The following KCNQ3 variants were observed in gnomAD, a reference collection of about 807,000 sequenced individuals.
KCNQ3 encodes potassium voltage-gated channel subfamily KQT member 3.
A neutral mutation model predicts 92.5 loss-of-function variants in KCNQ3; 30 were observed. The observed-to-expected ratio is 0.32, with a 90% CI of 0.24 to 0.44. The LOEUF is 0.44. Ranked by LOEUF, KCNQ3 falls within the 20% of genes least tolerant of loss-of-function variation. KCNQ3 has a pLI of 1.00. For missense variants in KCNQ3, 913 were observed against 1,140.3 expected (o/e 0.80, Z 2.87); for synonymous variants, 450 against 468.8 (o/e 0.96, Z 0.52).
At chr8:132,351,431 C>T (rs1459901563) in intron 1 of KCNQ3, among the ~76,000 whole-genome samples, 1 of 152,204 alleles carries the variant, frequency 6.6e-6, no homozygotes, top group Non-Finnish European at 1.5e-5. Context: ...CCTGCCCCAA[C>T]TCTCTAATTT....
chr8:132,176,039 A>G (rs1483437558), intron 4 of KCNQ3, among the ~76,000 whole-genome samples: 6 of 152,070 alleles, frequency 3.9e-5, no homozygotes, highest in Non-Finnish European at 7.4e-5. Context: ...CAGCCCTGAC[A>G]CCAGTTTATG....
chr8:132,351,970 G>A (rs906993841), intron 1 of KCNQ3, among the ~76,000 whole-genome samples: 1 of 152,194 alleles, frequency 6.6e-6, no homozygotes, highest in Non-Finnish European at 1.5e-5. Context: ...CAGCAGGGAA[G>A]GAAGTCAGCA....
chr8:132,332,088 A>T (rs1818248478), intron 1 of KCNQ3, among the ~76,000 whole-genome samples: 1 of 152,184 alleles, frequency 6.6e-6, no homozygotes, highest in African/African-American at 2.4e-5. Context: ...TCTGATTAGG[A>T]TATAAAAAGA....
intron 1 of KCNQ3, among the ~76,000 whole-genome samples, chr8:132,210,153 A>G (rs929462531): frequency 3.3e-5 from 5 of 152,160 alleles, no homozygotes; most frequent in African/African-American, 1.2e-4. Flanking sequence ...CACATCTTCT[A>G]ATGTACTAGC....
intron 1 of KCNQ3, among the ~76,000 whole-genome samples, chr8:132,388,838 G>C (rs1413833673): frequency 6.6e-6 from 1 of 152,176 alleles, no homozygotes; most frequent in Non-Finnish European, 1.5e-5. Flanking sequence ...TTCTACCCAA[G>C]TGTCTTACAT....
At chr8:132,199,188 A>G (rs1827386577) in intron 1 of KCNQ3, among the ~76,000 whole-genome samples, 1 of 152,196 alleles carries the variant, frequency 6.6e-6, no homozygotes, top group Non-Finnish European at 1.5e-5. Flanking sequence ...TTGCAAGAAA[A>G]ATAATAAAAA....
intron 1 of KCNQ3, among the ~76,000 whole-genome samples, chr8:132,343,247 T>C (rs1464599997): frequency 2.0e-5 from 3 of 152,192 alleles, no homozygotes; most frequent in Non-Finnish European, 4.4e-5. Context: ...TTTATTACAG[T>C]TTTATTGAGA....
intron 1 of KCNQ3, among the ~76,000 whole-genome samples, chr8:132,223,541 T>C (rs770616753): frequency 1.8e-4 from 28 of 152,242 alleles, no homozygotes; most frequent in Non-Finnish European, 3.2e-4. Context: ...TTACAGTTCA[T>C]GGATCCTAAA....
intron 9 of KCNQ3, among the ~76,000 whole-genome samples, chr8:132,162,415 G>A (rs1216543888): frequency 6.6e-6 from 1 of 152,134 alleles, no homozygotes; most frequent in Non-Finnish European, 1.5e-5. Context: ...GGTGCTTATG[G>A]GGTGTGTGAT....
intron 1 of KCNQ3, among the ~76,000 whole-genome samples, chr8:132,261,282 A>G (rs553469525): frequency 3.1e-4 from 47 of 152,192 alleles, no homozygotes; most frequent in African/African-American, 1.0e-3. Context: ...TTTCATTGTC[A>G]TGCTTCCTGG....
intron 1 of KCNQ3, among the ~76,000 whole-genome samples, chr8:132,448,960 G>A (rs1217565599): frequency 6.6e-6 from 1 of 152,240 alleles, no homozygotes; most frequent in Non-Finnish European, 1.5e-5. Context: ...ACACGGGTTA[G>A]AGACTGGTGA....
At chr8:132,422,366 G>C (rs1820991259) in intron 1 of KCNQ3, among the ~76,000 whole-genome samples, 1 of 152,092 alleles carries the variant, frequency 6.6e-6, no homozygotes, top group Non-Finnish European at 1.5e-5. Context: ...AGTGATCGCT[G>C]ACCTGGTTCC....
intron 12 of KCNQ3, among the ~76,000 whole-genome samples, chr8:132,135,285 G>A (rs1005390623): frequency 3.9e-5 from 6 of 152,132 alleles, no homozygotes; most frequent in African/African-American, 1.2e-4. Context: ...TACTCTGTGA[G>A]TCATTGGTTC....
intron 1 of KCNQ3, among the ~76,000 whole-genome samples, chr8:132,478,835 A>G (rs1190545884): frequency 6.6e-6 from 1 of 152,156 alleles, no homozygotes; most frequent in Non-Finnish European, 1.5e-5. Flanking sequence ...GGCCGAACCT[A>G]GAAAAACGTC....
intron 1 of KCNQ3, among the ~76,000 whole-genome samples, chr8:132,307,245 C>T (rs1817454407): frequency 6.6e-6 from 1 of 152,214 alleles, no homozygotes; most frequent in Non-Finnish European, 1.5e-5. Flanking sequence ...TCCACAGTGA[C>T]ACCATGTGGC....
At chr8:132,407,700 T>C (rs1239767783) in intron 1 of KCNQ3, among the ~76,000 whole-genome samples, 1 of 152,228 alleles carries the variant, frequency 6.6e-6, no homozygotes. Context: ...AGTATTTGGC[T>C]GGAGGTGCTC....
intron 1 of KCNQ3, among the ~76,000 whole-genome samples, chr8:132,201,722 A>C (rs1827465745): frequency 6.6e-6 from 1 of 152,064 alleles, no homozygotes; most frequent in African/African-American, 2.4e-5. Context: ...TGCTGCACTC[A>C]ATCCATCCAG....
chr8:132,300,846 G>C (rs973876820), intron 1 of KCNQ3, among the ~76,000 whole-genome samples: 1 of 152,122 alleles, frequency 6.6e-6, no homozygotes, highest in Non-Finnish European at 1.5e-5. Flanking sequence ...CAGTACCACC[G>C]ATCACTGGGC....
At chr8:132,456,305 C>T (rs1271999455) in intron 1 of KCNQ3, among the ~76,000 whole-genome samples, 1 of 152,172 alleles carries the variant, frequency 6.6e-6, no homozygotes, top group Non-Finnish European at 1.5e-5. Flanking sequence ...CGAGTCACCG[C>T]AATATTCCTG....
Sources: allele counts gnomAD v4.1 joint callset (sites outside exome capture counted in the v4.1 genomes callset), GRCh38; gene constraint gnomAD v4.1.1; transcripts MANE v1.5; gene names NCBI Gene and HGNC (gene_info 2026-07-23, HGNC 2026-07-21).